Variants in MYH10 observed in about 807,000 individuals in gnomAD.
MYH10 encodes myosin heavy chain 10.
In MYH10, 55 loss-of-function variants were observed where a neutral mutation model predicts 257.8. The ratio of observed to expected loss-of-function variants is 0.21; its 90% CI spans 0.17 to 0.27. MYH10 has a LOEUF of 0.27. Ranked by LOEUF, MYH10 falls within the 10% of genes least tolerant of loss-of-function variation. The pLI is 1.00. For missense variants in MYH10, 1,631 were observed against 2,500.6 expected (o/e 0.65, Z 7.42); for synonymous variants, 854 against 921.7 (o/e 0.93, Z 1.33).
chr17:8,560,722 T>C (rs2082962012), intron 7 of MYH10: 1 of 634,420 alleles, frequency 1.6e-6, no homozygotes, highest in Admixed American at 1.9e-5. Context: ...AGAAATTTGA[T>C]GATGAGAACT....
chr17:8,628,768 CAT>C (rs548869537), intron 1 of MYH10, among the ~76,000 whole-genome samples: 22 of 152,296 alleles, frequency 1.4e-4, no homozygotes, highest in Admixed American at 3.9e-4. Flanking sequence ...TAATTCCTCA[CAT>C]GTGATAAAGT....
intron 4 of MYH10, among the ~76,000 whole-genome samples, chr17:8,582,383 C>T (rs995418086): frequency 2.6e-5 from 4 of 151,520 alleles, no homozygotes; most frequent in African/African-American, 9.7e-5. Context: ...TTTCCATCAA[C>T]AAAATGAGAT....
chr17:8,494,179 C>T (rs997259851), intron 31 of MYH10, among the ~76,000 whole-genome samples: 1 of 152,014 alleles, frequency 6.6e-6, no homozygotes, highest in Non-Finnish European at 1.5e-5. Context: ...TCCCCCACCA[C>T]ACCCCGCCTC....
At chr17:8,522,042 G>C (rs541697992) in intron 17 of MYH10, among the ~76,000 whole-genome samples, 3 of 152,322 alleles carry the variant, frequency 2.0e-5, no homozygotes, top group South Asian at 2.1e-4. Flanking sequence ...TACTTCTAAT[G>C]ATGAGACCAT....
intron 3 of MYH10, among the ~76,000 whole-genome samples, chr17:8,595,981 G>A (rs2084354391): frequency 6.6e-6 from 1 of 152,026 alleles, no homozygotes; most frequent in Admixed American, 6.5e-5. Flanking sequence ...CTTTTTGTAT[G>A]TATTTGGCTG....
Position 8,506,359 on chromosome 17 carries a change from C to T in MYH10, c.3345G>A (p.Gln1115=). 6.2e-7 allele frequency: 1 copy of T among 1,607,734 alleles called. No individual in the cohort carries two copies. Among genetic ancestry groups the T allele is most frequent in the South Asian group, 1.1e-5 (1 of 89,860 alleles). ...LQAQIDELKL[Q]LAKKEEELQG... ...GCAGCTCCTCCTCCTTCTTGGCCAG[C>T]TGCAGCTTGAGCTCATCAATCTGCG... The change falls in exon 27 of 43, where the codon CAG becomes CAA. Residue 1115 remains glutamine, a synonymous_variant. Coordinates refer to ENST00000360416, the MANE Select transcript of MYH10 (RefSeq NM_001256012.3). The surrounding 1 kb of genome is among the most constrained non-coding windows in gnomAD (Gnocchi z 5.0).
At chr17:8,621,306 C>T (rs567605735) in intron 2 of MYH10, among the ~76,000 whole-genome samples, 2 of 152,274 alleles carry the variant, frequency 1.3e-5, no homozygotes, top group Admixed American at 6.5e-5. Context: ...CTCCTTCACC[C>T]CATGATCCCT....
intron 7 of MYH10, among the ~76,000 whole-genome samples, chr17:8,555,797 C>T (rs2082773833): frequency 1.3e-5 from 2 of 152,124 alleles, no homozygotes; most frequent in African/African-American, 4.8e-5. Flanking sequence ...AAATGGATTT[C>T]ATCAAAATTT....
chr17:8,558,157 A>G (rs2082870362), intron 7 of MYH10, among the ~76,000 whole-genome samples: 3 of 152,232 alleles, frequency 2.0e-5, no homozygotes. Flanking sequence ...TTGTTTTAAT[A>G]GGAGAAAAAT....
At chr17:8,605,239 C>T (rs903863864) in intron 2 of MYH10, among the ~76,000 whole-genome samples, 11 of 152,152 alleles carry the variant, frequency 7.2e-5, no homozygotes, top group African/African-American at 2.7e-4. Flanking sequence ...AGAAATAATG[C>T]GAGCTTCCTG....
rs540577404 is a variant in MYH10, at chr17:8,535,280, A to G, written c.1894+107T>C. ...CCTGCTCTAGGGAAAGAAAGATTTTAAAGTAAGAAGTTATATGTATCCATA... is the reference window on the plus strand; with the variant it reads ...CCTGCTCTAGGGAAAGAAAGATTTTGAAGTAAGAAGTTATATGTATCCATA... On this transcript the variant is annotated intron_variant, in intron 16 of 42. Coordinates refer to ENST00000360416, the MANE Select transcript of MYH10 (RefSeq NM_001256012.3). This position sits in a 1 kb window ranked among gnomAD's most constrained non-coding sequence, Gnocchi z 4.3. 7 of 754,784 alleles carry G rather than the reference A, an allele frequency of 9.3e-6. No homozygotes were observed. The South Asian group carries it at 1.4e-4, about 15-fold the overall frequency. The allele number at this position is 754,784 out of a possible 1,614,324, so 46.8% of individuals were successfully genotyped here.
chr17:8,568,559 C>A (rs1387937214), intron 7 of MYH10, among the ~76,000 whole-genome samples: 1 of 151,866 alleles, frequency 6.6e-6, no homozygotes, highest in Non-Finnish European at 1.5e-5. Flanking sequence ...CTCTGGCGTT[C>A]TTGACTTTTA....
chr17:8,623,145 C>T lies in MYH10; in HGVS notation c.102G>A (p.Lys34=). The T allele has an allele frequency of 6.2e-7, 1 of 1,613,856 alleles. No homozygotes were observed. The highest frequency in any genetic ancestry group is 1.1e-5 in the South Asian group (1 of 91,018). The change falls in exon 2 of 43, where the codon AAG becomes AAA. Residue 34 remains lysine, a synonymous_variant. Transcript: ENST00000360416. The part of the protein sequence containing the change: ...PATQADWTAK[K]LVWIPSERHG... ...GGCGTTCTGATGGAATCCACACTAG[C>T]TTTTTAGCTGTCCAATCAGCTTGAG...
chr17:8,571,870 A>G (rs2083356138), intron 6 of MYH10, among the ~76,000 whole-genome samples: 1 of 151,808 alleles, frequency 6.6e-6, no homozygotes, highest in African/African-American at 2.4e-5. Flanking sequence ...TATGACCAAT[A>G]TCTTGCAAAG....
At chr17:8,621,520 G>A (rs554939924) in intron 2 of MYH10, among the ~76,000 whole-genome samples, 1 of 152,078 alleles carries the variant, frequency 6.6e-6, no homozygotes, top group Admixed American at 6.5e-5. Context: ...GCAAAATTGC[G>A]GTCACCCTAC....
chr17:8,523,113 C>T (rs2132102), intron 17 of MYH10, among the ~76,000 whole-genome samples: 62,744 of 151,964 alleles, frequency 0.41, 12,977 homozygotes, highest in East Asian at 0.5. Context: ...TTTTCTCAAG[C>T]CATATTCCCA....
At chr17:8,565,545 A>G (rs1442582006) in intron 7 of MYH10, among the ~76,000 whole-genome samples, 2 of 152,274 alleles carry the variant, frequency 1.3e-5, no homozygotes, top group South Asian at 2.1e-4. Context: ...TAAAGCCCAA[A>G]GTAAACAATT....
chr17:8,528,206 G>C (rs1251138934), intron 17 of MYH10, among the ~76,000 whole-genome samples: 4 of 152,178 alleles, frequency 2.6e-5, no homozygotes, highest in Admixed American at 2.6e-4. Context: ...ACTAGCATTA[G>C]TGAAAACGAT....
At chr17:8,586,028 A>T (rs1247211720) in intron 4 of MYH10, among the ~76,000 whole-genome samples, 1 of 152,184 alleles carries the variant, frequency 6.6e-6, no homozygotes, top group East Asian at 1.9e-4. Flanking sequence ...AACATCATCT[A>T]AACTTTAGCA....
Sources: gnomAD v4.1 joint callset for allele counts (sites outside exome capture counted in the v4.1 genomes callset) on GRCh38, gnomAD v4.1.1 for gene constraint, Gnocchi (gnomAD v3.1) non-coding constraint, MANE v1.5 for transcripts, NCBI Gene and HGNC (gene_info 2026-07-23, HGNC 2026-07-21) for gene names.